EPHA2: variants seen among roughly 807,000 people sequenced by gnomAD.
The protein encoded by EPHA2 is EPH receptor A2, also known as ephrin type-A receptor 2.
A neutral mutation model predicts 104.9 loss-of-function variants in EPHA2; 54 were observed. The observed-to-expected ratio is 0.51, with a 90% CI of 0.41 to 0.65. EPHA2 has a LOEUF of 0.65. Among genes scored for constraint, EPHA2 ranks in the 30% least tolerant of loss-of-function variants. The pLI is 0.00. For missense variants in EPHA2, 1,117 were observed against 1,369.5 expected, an observed-to-expected ratio of 0.82 and a Z score of 2.91; for synonymous variants, 560 against 559.1, an observed-to-expected ratio of 1.00 and a Z score of -0.02.
chr1:16,134,518 A>G lies in EPHA2; in HGVS notation c.1632T>C (p.Gly544=). ...CTGCCAGCACCAGAAGCAGGACCAC[A>G]CCGACAGCCACGCCGCCAATCACCG... ...NLAVIGGVAV[G]VVLLLVLAGV... Residue 544 remains glycine, a synonymous_variant, in exon 8 of 17, where the codon GGT becomes GGC. Coordinates refer to ENST00000358432, the MANE Select transcript of EPHA2 (RefSeq NM_004431.5). This position sits in a 1 kb window ranked among gnomAD's most constrained non-coding sequence, Gnocchi z 4.5. 6.8e-6 allele frequency: 11 copies of G among 1,614,010 alleles called. No homozygotes were observed. Among genetic ancestry groups the G allele is most frequent in the Non-Finnish European group, 9.3e-6 (11 of 1,180,024 alleles).
Position 16,148,795 on chromosome 1 carries a change from T to G in EPHA2, c.406A>C (p.Lys136Gln). 6.2e-7 allele frequency: 1 copy of G among 1,614,136 alleles called. No individual in the cohort carries two copies. The highest frequency in any genetic ancestry group is 8.5e-7 in the Non-Finnish European group (1 of 1,180,036). ...SDLDYGTNFQ[K>Q]RLFTKIDTIA... is the part of the protein sequence containing the mutation. ...GTGTCAATCTTGGTGAACAGGCGCT[T>G]CTGGAAGTTGGTGCCGTAGTCCAGG... Residue 136 changes from lysine to glutamine, a missense_variant, in exon 3 of 17, where the codon AAG becomes CAG. Around this residue, in one of 3 missense-constraint regions of EPHA2, gnomAD observed 664 missense variants for 784.8 expected, o/e 0.85. Transcript: ENST00000358432. This position sits in a 1 kb window ranked among gnomAD's most constrained non-coding sequence, Gnocchi z 4.9.
chr1:16,155,074 T>C, intron 1 of EPHA2: 1 of 151,888 alleles, frequency 6.6e-6, no homozygotes, highest in Non-Finnish European at 1.5e-5. Flanking sequence ...GGTGATTCAG[T>C]CCCCCACCCC....
intron 2 of EPHA2, among the ~76,000 whole-genome samples, chr1:16,149,491 T>C (rs1234299142): frequency 3.3e-5 from 5 of 152,222 alleles, no homozygotes; most frequent in African/African-American, 1.2e-4. Context: ...TTACTCTTGG[T>C]ATTATTCACC....
Position 16,131,741 on chromosome 1 carries a change from A to C in EPHA2, c.2455T>G (p.Trp819Gly), listed in dbSNP as rs534750274. ...EVMTYGERPY[W>G]ELSNHEVMKA... Reference sequence around the variant, plus strand: ...CCCACCTCGTGGTTGGACAACTCCCAGTAGGGCCGCTCGCCATAGGTCATC... The same window carrying C: ...CCCACCTCGTGGTTGGACAACTCCCCGTAGGGCCGCTCGCCATAGGTCATC... The change falls in exon 14 of 17, where the codon TGG (tryptophan) becomes GGG (glycine). Residue 819 changes from tryptophan (W) to glycine (G), a missense_variant. By Grantham distance (184) the Trp-to-Gly change is radical. Around this residue, in one of 3 missense-constraint regions of EPHA2, gnomAD observed 340 missense variants for 480.5 expected, o/e 0.71. Transcript: ENST00000358432. This position sits in a 1 kb window ranked among gnomAD's most constrained non-coding sequence, Gnocchi z 5.2. The C allele has an allele frequency of 6.1e-5, 99 of 1,614,108 alleles. No homozygotes were observed. The South Asian group carries it at 1.1e-3, about 17-fold the overall frequency.
intron 3 of EPHA2, among the ~76,000 whole-genome samples, chr1:16,143,510 G>A (rs1306015180): frequency 6.6e-6 from 1 of 152,074 alleles, no homozygotes; most frequent in African/African-American, 2.4e-5. Flanking sequence ...GGGAACTGGG[G>A]CACAGTGGCT....
chr1:16,142,041 G>A (rs1409242520), intron 3 of EPHA2, among the ~76,000 whole-genome samples: 1 of 152,096 alleles, frequency 6.6e-6, no homozygotes, highest in Non-Finnish European at 1.5e-5. Flanking sequence ...CATTCTAGGC[G>A]GGCAAGTGGG....
chr1:16,135,600 G>C lies in EPHA2; in HGVS notation c.1428+55C>G, dbSNP rs756784742. 3 of 1,517,046 alleles carry C rather than the reference G, an allele frequency of 2.0e-6. No homozygotes were observed. The highest frequency in any genetic ancestry group is 2.7e-5 in the African/African-American group (2 of 72,966). 94.0% of individuals were successfully genotyped at this position (1,517,046 alleles called of 1,614,324 possible). On this transcript the variant is annotated intron_variant, in intron 6 of 16. Coordinates refer to ENST00000358432, the MANE Select transcript of EPHA2 (RefSeq NM_004431.5). The surrounding 1 kb of genome is among the most constrained non-coding windows in gnomAD (Gnocchi z 4.3). ...GGTTTGGTGATCATCTATGTGACCAGCCTGTCCCCTGCTGTCGGCCCAGCT... is the reference window on the plus strand; with the variant it reads ...GGTTTGGTGATCATCTATGTGACCACCCTGTCCCCTGCTGTCGGCCCAGCT...
Position 16,133,328 on chromosome 1 carries a change from G to T in EPHA2, c.1905C>A (p.Ser635=), listed in dbSNP as rs2024615071. The T allele has an allele frequency of 2.5e-6, 4 of 1,613,698 alleles. No individual in the cohort carries two copies. The African/African-American group carries it at 4.0e-5, about 16-fold the overall frequency. Residue 635 remains serine, a synonymous_variant, in exon 11 of 17, where the codon TCC becomes TCA. Transcript: ENST00000358432. ...CCACCGGCACCTCCTTCTTCCCCGAGGATGTCTTCAGCATGCCCTTGTACA... is the reference window on the plus strand; with the variant it reads ...CCACCGGCACCTCCTTCTTCCCCGATGATGTCTTCAGCATGCCCTTGTACA... ...GEVYKGMLKT[S]SGKKEVPVAI... is the part of the protein sequence containing the mutation.
chr1:16,129,560 C>A lies in EPHA2; in HGVS notation c.2699G>T (p.Gly900Val). The change falls in exon 16 of 17, where the codon GGC (glycine) becomes GTC (valine). Residue 900 changes from glycine (G) to valine (V), a missense_variant. Transcript: ENST00000358432. Reference sequence around the variant, plus strand: ...CGTGCGGAAGGGCACCCCCTCCGAGCCGCTCGTGCTGGGGAGCCGGATAGA... The same window carrying A: ...CGTGCGGAAGGGCACCCCCTCCGAGACGCTCGTGCTGGGGAGCCGGATAGA... ...RVSIRLPSTSGSEGVPFRTVS... is the reference protein window; with the variant it reads ...RVSIRLPSTSVSEGVPFRTVS... 1 of 1,612,726 alleles carries A rather than the reference C, an allele frequency of 6.2e-7. No individual in the cohort carries two copies. Among genetic ancestry groups the A allele is most frequent in the Non-Finnish European group, 8.5e-7 (1 of 1,179,936 alleles).
At position 16,148,291 on chromosome 1, in the gene EPHA2, C is replaced by T. The variant is rs536540033; in HGVS notation, c.823+87G>A. ...TAATGTGTGTCAAAGCAGGGATGAGCTTACCAAGATTCCATGATTCCAAAG... is the reference window on the plus strand; with the variant it reads ...TAATGTGTGTCAAAGCAGGGATGAGTTTACCAAGATTCCATGATTCCAAAG... On this transcript the variant is annotated intron_variant, in intron 3 of 16. Transcript: ENST00000358432. The surrounding 1 kb of genome is among the most constrained non-coding windows in gnomAD (Gnocchi z 4.9). The T allele has an allele frequency of 5.1e-5, 79 of 1,548,442 alleles. 1 individual carries two copies. Among genetic ancestry groups the T allele is most frequent in the Admixed American group, 2.2e-4 (13 of 59,934 alleles).
intron 3 of EPHA2, among the ~76,000 whole-genome samples, chr1:16,138,631 A>G (rs1330489022): frequency 2.6e-5 from 4 of 152,214 alleles, no homozygotes. Flanking sequence ...GCACCCAGGA[A>G]GTGCTTCACA....
At position 16,135,580 on chromosome 1, in the gene EPHA2, G is replaced by T; in HGVS notation, c.1428+75C>A. Reference sequence around the variant, plus strand: ...GCTTCTTCAGATGGCTGGGTGGTTTGGTGATCATCTATGTGACCAGCCTGT... The same window carrying T: ...GCTTCTTCAGATGGCTGGGTGGTTTTGTGATCATCTATGTGACCAGCCTGT... On this transcript the variant is annotated intron_variant, in intron 6 of 16. Transcript: ENST00000358432. This position sits in a 1 kb window ranked among gnomAD's most constrained non-coding sequence, Gnocchi z 4.3. 7.2e-7 allele frequency: 1 copy of T among 1,398,124 alleles called. No homozygotes were observed. The highest frequency in any genetic ancestry group is 1.0e-6 in the Non-Finnish European group (1 of 984,268). The allele number at this position is 1,398,124 out of a possible 1,614,324, so 86.6% of individuals were successfully genotyped here.
rs557541743 is a variant in EPHA2, at chr1:16,125,660, T to A, written c.2826-340A>T. On this transcript the variant is annotated intron_variant, in intron 16 of 16. Transcript: ENST00000358432. This position sits in a 1 kb window ranked among gnomAD's most constrained non-coding sequence, Gnocchi z 4.9. ...CAGGTGCTCTTTTTCATCCCCATTT[T>A]GCAGATTAGAGAACTGAGGTCAGAG... 1.3e-5 allele frequency among the ~76,000 whole-genome samples: 2 copies of A among 152,326 alleles called. No homozygotes were observed. Among genetic ancestry groups the A allele is most frequent in the East Asian group, 3.9e-4 (2 of 5,184 alleles).
Position 16,148,336 on chromosome 1 carries a change from A to T in EPHA2, c.823+42T>A, listed in dbSNP as rs1363636995. ...CCAAAGCTAAAGACCAGAACCTGGG[A>T]ATGCAGAACCCCCTTCCCTGCAACC... On this transcript the variant is annotated intron_variant, in intron 3 of 16. Coordinates refer to ENST00000358432, the MANE Select transcript of EPHA2 (RefSeq NM_004431.5). This position sits in a 1 kb window ranked among gnomAD's most constrained non-coding sequence, Gnocchi z 4.9. 6.3e-7 allele frequency: 1 copy of T among 1,585,214 alleles called. No homozygotes were observed. Among genetic ancestry groups the T allele is most frequent in the African/African-American group, 1.5e-5 (1 of 65,570 alleles).
At chr1:16,141,937 A>C (rs909143680) in intron 3 of EPHA2, among the ~76,000 whole-genome samples, 1 of 152,168 alleles carries the variant, frequency 6.6e-6, no homozygotes, top group Non-Finnish European at 1.5e-5. Flanking sequence ...GGGCCCCGCC[A>C]GAGTTTCCAA....
chr1:16,132,141 T>C lies in EPHA2; in HGVS notation c.2248A>G (p.Asn750Asp). 1 of 1,614,216 alleles carries C rather than the reference T, an allele frequency of 6.2e-7. No individual in the cohort carries two copies. Among genetic ancestry groups the C allele is most frequent in the South Asian group, 1.1e-5 (1 of 91,082 alleles). ...LAARNILVNS[N>D]LVCKVSDFGL... ...AAGTCAGACACCTTGCAGACCAGGT[T>C]GCTGTTGACGAGGATGTTGCGGGCA... Residue 750 changes from asparagine to aspartate, a missense_variant, in exon 13 of 17, where the codon AAC becomes GAC. Around this residue, in one of 3 missense-constraint regions of EPHA2, gnomAD observed 340 missense variants for 480.5 expected, o/e 0.71. Transcript: ENST00000358432.
At chr1:16,141,472 G>T (rs2024823248) in intron 3 of EPHA2, among the ~76,000 whole-genome samples, 1 of 152,218 alleles carries the variant, frequency 6.6e-6, no homozygotes, top group Admixed American at 6.5e-5. Context: ...GTTTATCCTG[G>T]GGTCAGTTCC....
Position 16,150,918 on chromosome 1 carries a change from A to G in EPHA2, c.131T>C (p.Leu44Pro), listed in dbSNP as rs1231216050. 2.5e-6 allele frequency: 4 copies of G among 1,614,078 alleles called. No homozygotes were observed. In the East Asian group the frequency reaches 6.7e-5, roughly 27 times the overall value. ...TACCCCTTTGCCATACGGGTGTGTG[A>G]GCCAGCCGAGCTCCCCTCCAGCTGC... The part of the protein sequence containing the change: ...FAAAGGELGW[L>P]THPYGKGWDL... The change falls in exon 2 of 17, where the codon CTC becomes CCC. Residue 44 changes from leucine to proline, a missense_variant. By Grantham distance (98) the Leu-to-Pro change is moderately conservative. This residue lies in a region of EPHA2 where 664 missense variants were observed against 784.8 expected (regional missense o/e 0.85). Coordinates refer to ENST00000358432, the MANE Select transcript of EPHA2 (RefSeq NM_004431.5). The surrounding 1 kb of genome is among the most constrained non-coding windows in gnomAD (Gnocchi z 4.8).
chr1:16,130,154 C>G lies in EPHA2; in HGVS notation c.2669+72G>C. On this transcript the variant is annotated intron_variant, in intron 15 of 16. Transcript: ENST00000358432. The surrounding 1 kb of genome is among the most constrained non-coding windows in gnomAD (Gnocchi z 4.5). ...CCTACCAGCTTCACCTGGGTGGCCACTCTACCGAAGTGGTTCAAGAGTCTG... is the reference window on the plus strand; with the variant it reads ...CCTACCAGCTTCACCTGGGTGGCCAGTCTACCGAAGTGGTTCAAGAGTCTG... 6.2e-7 allele frequency: 1 copy of G among 1,603,960 alleles called. No homozygotes were observed. Among genetic ancestry groups the G allele is most frequent in the Non-Finnish European group, 8.5e-7 (1 of 1,171,960 alleles).
Sources: gnomAD v4.1 joint callset for allele counts (sites outside exome capture counted in the v4.1 genomes callset) on GRCh38, gnomAD v4.1.1 for gene constraint, gnomAD v4.1.1 regional missense constraint, Gnocchi (gnomAD v3.1) non-coding constraint, MANE v1.5 for transcripts, NCBI Gene and HGNC (gene_info 2026-07-23, HGNC 2026-07-21) for gene names.